The following TGS1 variants were observed in gnomAD, a reference collection of about 807,000 sequenced individuals.
The protein encoded by TGS1 is trimethylguanosine synthase.
A neutral mutation model predicts 92.2 loss-of-function variants in TGS1; 69 were observed. The ratio of observed to expected loss-of-function variants is 0.75; its 90% CI spans 0.62 to 0.91. The LOEUF (loss-of-function observed/expected upper bound fraction) is 0.91. Ranked by LOEUF, TGS1 falls within the 40% of genes least tolerant of loss-of-function variation. The pLI, the probability that TGS1 is intolerant of heterozygous loss-of-function variation, is 0.00. For synonymous variants in TGS1, 345 were observed against 338.1 expected, an observed-to-expected ratio of 1.02 and a Z score of -0.22; for missense variants, 1,062 against 1,001.2, an observed-to-expected ratio of 1.06 and a Z score of -0.82.
intron 1 of TGS1, among the ~76,000 whole-genome samples, chr8:55,779,071 A>G (rs866629911): frequency 3.3e-5 from 5 of 152,202 alleles, no homozygotes; most frequent in South Asian, 4.1e-4. Context: ...TACGTGTGCC[A>G]GGTCCAGAAA....
At chr8:55,806,385 GAAA>G (rs34109669) in intron 10 of TGS1, among the ~76,000 whole-genome samples, 4 of 121,006 alleles carry the variant, frequency 3.3e-5, no homozygotes, top group African/African-American at 1.2e-4. Context: ...AAAGACAAAA[GAAA>G]AAAAAAAACC....
At chr8:55,781,983 G>C (rs1049845491) in intron 1 of TGS1, among the ~76,000 whole-genome samples, 10 of 152,066 alleles carry the variant, frequency 6.6e-5, no homozygotes, top group Non-Finnish European at 8.8e-5. Context: ...CTTGTCTACT[G>C]TTCACAATGG....
At chr8:55,810,467 G>T (rs184348395) in intron 10 of TGS1, among the ~76,000 whole-genome samples, 3 of 152,128 alleles carry the variant, frequency 2.0e-5, no homozygotes, top group Non-Finnish European at 4.4e-5. Context: ...TTCATTTTGG[G>T]CATTGCTACA....
In TGS1 at chr8:55,798,985, C is replaced by T. The variant is rs774398459; in HGVS notation, c.1614C>T (p.Asp538=). ...EEASQESSSH[D]NVHDASTSSD... The stretch of plus-strand genomic sequence containing the variant: ...CATCACAGGAATCATCTTCTCATGA[C>T]AATGTGCACGACGCTTCCACAAGTA... The change falls in exon 8 of 13, where the codon GAC becomes GAT. Residue 538 remains aspartate (D), a synonymous_variant. Transcript: ENST00000260129. 1.9e-6 allele frequency: 3 copies of T among 1,613,906 alleles called. No individual in the cohort carries two copies. The highest frequency in any genetic ancestry group is 2.2e-5 in the East Asian group (1 of 44,886).
intron 1 of TGS1, among the ~76,000 whole-genome samples, chr8:55,781,121 C>T (rs1387695792): frequency 6.6e-6 from 1 of 152,150 alleles, no homozygotes; most frequent in Non-Finnish European, 1.5e-5. Context: ...GAGAGTTGAG[C>T]AGTGTTATAT....
chr8:55,816,691 C>A (rs1255774618), intron 12 of TGS1, among the ~76,000 whole-genome samples: 1 of 152,078 alleles, frequency 6.6e-6, no homozygotes, highest in Admixed American at 6.6e-5. Flanking sequence ...AGACATACTC[C>A]ACCCTTCCAT....
At chr8:55,802,754 C>G (rs1812254793) in intron 9 of TGS1, 148 bp downstream of exon 9, 5 of 688,138 alleles carry the variant, frequency 7.3e-6, no homozygotes, top group Non-Finnish European at 9.4e-6. Context: ...TTCTCATTCT[C>G]TCTCCATATG....
chr8:55,779,535 T>C (rs1397616322), intron 1 of TGS1, among the ~76,000 whole-genome samples: 1 of 152,214 alleles, frequency 6.6e-6, no homozygotes, highest in Non-Finnish European at 1.5e-5. Context: ...CCTGGCTCTT[T>C]GTAGGAGATG....
chr8:55,774,099 T>C (rs1811305600), intron 1 of TGS1, among the ~76,000 whole-genome samples: 1 of 152,244 alleles, frequency 6.6e-6, no homozygotes, highest in Non-Finnish European at 1.5e-5. Context: ...ACGTCTTTTT[T>C]TAAACCTAAA....
intron 2 of TGS1, 34 bp downstream of exon 2, chr8:55,782,846 G>A (rs1030077149): frequency 1.5e-6 from 2 of 1,365,348 alleles, no homozygotes; most frequent in African/African-American, 1.5e-5. Flanking sequence ...AACCTTTTTT[G>A]CTGAAATTAG....
rs564885473 is a variant in TGS1 at position 55,786,825 on chromosome 8, A to G, written c.927A>G (p.Thr309=). The G allele has an allele frequency of 6.2e-7, 1 of 1,614,160 alleles. No individual in the cohort carries two copies. Among genetic ancestry groups the G allele is most frequent in the South Asian group, 1.1e-5 (1 of 91,074 alleles). ...TGGTTGATAATGATAGCTCTGGTAC[A>G]AGTGATAAGGATCATAGTGAAATAC... ...PIMVDNDSSG[T]SDKDHSEILD... Residue 309 remains threonine (T), a synonymous_variant, in exon 4 of 13, where the codon ACA becomes ACG. Coordinates refer to ENST00000260129, the MANE Select transcript of TGS1 (RefSeq NM_024831.8).
intron 10 of TGS1, among the ~76,000 whole-genome samples, chr8:55,807,149 T>G (rs1280028690): frequency 2.0e-5 from 3 of 151,988 alleles, no homozygotes; most frequent in African/African-American, 7.3e-5. Flanking sequence ...AGGATGGTCT[T>G]GATCTCCTGA....
At chr8:55,793,769 TATTTATTTTTTA>T (rs1811958141) in intron 6 of TGS1, among the ~76,000 whole-genome samples, 1 of 139,466 alleles carries the variant, frequency 7.2e-6, no homozygotes. Context: ...TTTATTTATT[TATTTATTTTTTA>T]ATTTTTTATT....
intron 9 of TGS1, 112 bp downstream of exon 9, chr8:55,802,718 A>AT (rs1235864375): frequency 1.9e-6 from 2 of 1,064,224 alleles, no homozygotes; most frequent in Non-Finnish European, 2.6e-6. Flanking sequence ...AGATTCAGCT[A>AT]TTTTCAACAT....
In TGS1 at chr8:55,773,532, G is replaced by A. The variant is rs1047297939; in HGVS notation, c.-87G>A. ...TCCTCATCCAGGGCTTGCGGGCGAG[G>A]CCTGTTTTAAGTCTCCAGTAACCGA... On this transcript the variant is annotated 5_prime_UTR_variant, in exon 1 of 13. Coordinates refer to ENST00000260129, the MANE Select transcript of TGS1 (RefSeq NM_024831.8). The A allele has an allele frequency of 3.1e-6, 3 of 977,566 alleles. No homozygotes were observed. The highest frequency in any genetic ancestry group is 3.3e-5 in the African/African-American group (2 of 60,722). 60.6% of individuals were successfully genotyped at this position (977,566 alleles called of 1,614,324 possible).
intron 12 of TGS1, among the ~76,000 whole-genome samples, chr8:55,814,214 C>G (rs760037813): frequency 2.0e-5 from 3 of 152,058 alleles, no homozygotes; most frequent in Non-Finnish European, 4.4e-5. Flanking sequence ...TCCCTAAGTG[C>G]TGGGATTATA....
chr8:55,801,683 G>A (rs1411848207), intron 8 of TGS1, among the ~76,000 whole-genome samples: 1 of 138,836 alleles, frequency 7.2e-6, no homozygotes, highest in Admixed American at 8.0e-5. Flanking sequence ...CCGCCTCCCG[G>A]GTTCACGCCA....
chr8:55,786,992 C>G lies in TGS1; in HGVS notation c.1094C>G (p.Pro365Arg). ...TGCCCTGCTTCCGGCCAAAGTGAACCACGTAATGGAGGAACCAATGAGGAA... is the reference window on the plus strand; with the variant it reads ...TGCCCTGCTTCCGGCCAAAGTGAACGACGTAATGGAGGAACCAATGAGGAA... The part of the protein sequence containing the change: ...RECPASGQSE[P>R]RNGGTNEESN... Residue 365 changes from proline (P) to arginine (R), a missense_variant, in exon 4 of 13, where the codon CCA becomes CGA. Physicochemically the swap from Pro to Arg is moderately radical, Grantham distance 103. Coordinates refer to ENST00000260129, the MANE Select transcript of TGS1 (RefSeq NM_024831.8). 6.2e-7 allele frequency: 1 copy of G among 1,614,038 alleles called. No homozygotes were observed. Among genetic ancestry groups the G allele is most frequent in the Non-Finnish European group, 8.5e-7 (1 of 1,180,000 alleles).
intron 11 of TGS1, 36 bp downstream of exon 11, chr8:55,811,133 A>G (rs1803328976): frequency 8.6e-7 from 1 of 1,159,968 alleles, no homozygotes; most frequent in Non-Finnish European, 1.2e-6. Flanking sequence ...TACTGAAACA[A>G]TGATTGTGGA....
Sources: allele counts gnomAD v4.1 joint callset (sites outside exome capture counted in the v4.1 genomes callset), GRCh38; gene constraint gnomAD v4.1.1; transcripts MANE v1.5; gene names NCBI Gene and HGNC (gene_info 2026-07-23, HGNC 2026-07-21).